Variants in KCND3 observed in about 807,000 individuals in gnomAD.
KCND3 encodes potassium voltage-gated channel subfamily D member 3, also known as A-type voltage-gated potassium channel KCND3.
KCND3 carries 9 observed loss-of-function variants against 51.1 expected under a neutral mutation model. That is an observed-to-expected ratio of 0.18 (90% CI 0.11 to 0.31). The LOEUF (loss-of-function observed/expected upper bound fraction) is 0.31, where lower values mean the gene tolerates loss of function less well. Ranked by LOEUF, KCND3 falls within the 10% of genes least tolerant of loss-of-function variation. KCND3 has a pLI of 1.00. For synonymous variants in KCND3, 349 were observed against 368.0 expected (o/e 0.95, Z 0.59); for missense variants, 526 against 903.8 (o/e 0.58, Z 5.36).
At chr1:111,884,557 G>A (rs1669482872) in intron 2 of KCND3, among the ~76,000 whole-genome samples, 1 of 152,160 alleles carries the variant, frequency 6.6e-6, no homozygotes, top group South Asian at 2.1e-4. Context: ...CACTAGAGAG[G>A]AGACCACGCT....
intron 2 of KCND3, among the ~76,000 whole-genome samples, chr1:111,939,703 G>C (rs1244119901): frequency 6.6e-6 from 1 of 152,148 alleles, no homozygotes; most frequent in Non-Finnish European, 1.5e-5. Flanking sequence ...CATGTGTTTT[G>C]ATAGTAAAAT....
At chr1:111,782,431 G>A (rs1287214431) in intron 3 of KCND3, among the ~76,000 whole-genome samples, 1 of 152,018 alleles carries the variant, frequency 6.6e-6, no homozygotes, top group Non-Finnish European at 1.5e-5. Context: ...AAGGATGATG[G>A]CAAATCAGCC....
chr1:111,853,690 T>C (rs1214825619), intron 2 of KCND3: 1 of 152,244 alleles, frequency 6.6e-6, no homozygotes. Flanking sequence ...GTAAGCTCCA[T>C]GCGGGCAGTG....
intron 1 of KCND3, among the ~76,000 whole-genome samples, chr1:111,988,058 G>C (rs1675387854): frequency 6.6e-6 from 1 of 152,138 alleles, no homozygotes; most frequent in African/African-American, 2.4e-5. Flanking sequence ...CTGAGTACAG[G>C]CATAAGGCAG....
At chr1:111,828,208 T>C (rs1666664260) in intron 2 of KCND3, among the ~76,000 whole-genome samples, 1 of 131,806 alleles carries the variant, frequency 7.6e-6, no homozygotes, top group Non-Finnish European at 1.7e-5. Context: ...GTGTTTGGTG[T>C]GGGCAGCAAG....
chr1:111,842,651 G>T (rs1422099606), intron 2 of KCND3, among the ~76,000 whole-genome samples: 2 of 152,236 alleles, frequency 1.3e-5, no homozygotes, highest in Admixed American at 1.3e-4. Flanking sequence ...GGCTCTGCCA[G>T]CGTGAGTGGC....
intron 2 of KCND3, among the ~76,000 whole-genome samples, chr1:111,812,030 C>T (rs931637762): frequency 2.6e-5 from 4 of 152,132 alleles, no homozygotes; most frequent in East Asian, 1.9e-4. Flanking sequence ...TCAGTGTTCT[C>T]GTCTGGAAAT....
Position 111,946,382 on chromosome 1 carries a change from G to A in KCND3, c.1106+35239C>T, listed in dbSNP as rs139887575. On this transcript the variant is annotated intron_variant, in intron 2 of 7. Coordinates refer to ENST00000302127, the MANE Select transcript of KCND3 (RefSeq NM_001378969.1). ...AAACACTGAGCCACTGTTTCTCGTAGACCATGTGCTGAGCAAAGGGCTGAG... is the reference window on the plus strand; with the variant it reads ...AAACACTGAGCCACTGTTTCTCGTAAACCATGTGCTGAGCAAAGGGCTGAG... Among the ~76,000 whole-genome samples, 466 of 152,330 alleles carry A rather than the reference G, an allele frequency of 3.1e-3. 3 individuals carry two copies. The highest frequency in any genetic ancestry group is 5.1e-3 in the Non-Finnish European group (349 of 68,032).
chr1:111,942,347 A>G (rs964439380), intron 2 of KCND3, among the ~76,000 whole-genome samples: 1 of 152,172 alleles, frequency 6.6e-6, no homozygotes, highest in African/African-American at 2.4e-5. Context: ...TGGTAAAACA[A>G]ATAGGAAAAA....
chr1:111,951,491 G>A (rs1673062854), intron 2 of KCND3, among the ~76,000 whole-genome samples: 1 of 152,138 alleles, frequency 6.6e-6, no homozygotes, highest in African/African-American at 2.4e-5. Context: ...TGGATGGGTG[G>A]AGTAAAGATG....
intron 2 of KCND3, among the ~76,000 whole-genome samples, chr1:111,972,334 G>A (rs1343811893): frequency 1.3e-4 from 19 of 151,430 alleles, no homozygotes; most frequent in Admixed American, 1.0e-3. Context: ...CACTACGCCC[G>A]GCTAATTTTT....
In KCND3 at chr1:111,773,612, G is replaced by A. The variant is rs1160988755; in HGVS notation, c.*2465C>T. 1.3e-5 allele frequency: 2 copies of A among 151,698 alleles called. No individual in the cohort carries two copies. Among genetic ancestry groups the A allele is most frequent in the Middle Eastern group, 3.4e-3 (1 of 294 alleles). The allele number at this position is 151,698 out of a possible 1,614,324, so 9.4% of individuals were successfully genotyped here. On this transcript the variant is annotated 3_prime_UTR_variant, in exon 8 of 8. Transcript: ENST00000302127. ...ATTTTTGTATTTTTAGTAGAGATGGGGTTTCACCATGTTGGCCAAGTTGGT... is the reference window on the plus strand; with the variant it reads ...ATTTTTGTATTTTTAGTAGAGATGGAGTTTCACCATGTTGGCCAAGTTGGT...
At chr1:111,944,933 T>C (rs1672707434) in intron 2 of KCND3, among the ~76,000 whole-genome samples, 1 of 152,186 alleles carries the variant, frequency 6.6e-6, no homozygotes, top group Admixed American at 6.5e-5. Context: ...GTGCTGCCAA[T>C]TGTCTGCCTG....
chr1:111,971,312 A>C lies in KCND3; in HGVS notation c.1106+10309T>G, dbSNP rs1410197781. 5.9e-5 allele frequency among the ~76,000 whole-genome samples: 8 copies of C among 135,940 alleles called. No individual in the cohort carries two copies. The South Asian group carries it at 1.2e-3, about 20-fold the overall frequency. The allele number at this position is 135,940 out of a possible 152,430, so 89.2% of individuals were successfully genotyped here. ...GCAGGAGGCAAAAAAAAAAAAAAAA[A>C]CACCACAAAACAAACAAACAAACAA... On this transcript the variant is annotated intron_variant, in intron 2 of 7. Transcript: ENST00000302127.
chr1:111,781,856 A>G (rs1364006930), intron 3 of KCND3, among the ~76,000 whole-genome samples: 1 of 152,144 alleles, frequency 6.6e-6, no homozygotes, highest in African/African-American at 2.4e-5. Context: ...CATTGTCACT[A>G]TGACAGTAGC....
chr1:111,786,323 G>A (rs978441818), intron 3 of KCND3, among the ~76,000 whole-genome samples: 7 of 152,208 alleles, frequency 4.6e-5, no homozygotes, highest in South Asian at 2.1e-4. Flanking sequence ...GCAAATGACC[G>A]TATTTTACCC....
In KCND3 at chr1:111,887,635, G is replaced by T. The variant is rs569753236; in HGVS notation, c.1106+93986C>A. 5.3e-5 allele frequency among the ~76,000 whole-genome samples: 8 copies of T among 152,366 alleles called. No homozygotes were observed. In the East Asian group the frequency reaches 1.2e-3, roughly 22 times the overall value. ...TACCGAGTGGAGAAAGGAAGAGCCAGCAGGTAAGCCACATTTAAAGCAGGC... is the reference window on the plus strand; with the variant it reads ...TACCGAGTGGAGAAAGGAAGAGCCATCAGGTAAGCCACATTTAAAGCAGGC... On this transcript the variant is annotated intron_variant, in intron 2 of 7. Coordinates refer to ENST00000302127, the MANE Select transcript of KCND3 (RefSeq NM_001378969.1).
intron 2 of KCND3, among the ~76,000 whole-genome samples, chr1:111,809,198 G>T (rs751809019): frequency 1.2e-4 from 19 of 152,224 alleles, no homozygotes; most frequent in Non-Finnish European, 2.5e-4. Context: ...CTTTGTGCAG[G>T]CAGAAAGCAG....
At chr1:111,801,020 C>T (rs1313700684) in intron 2 of KCND3, among the ~76,000 whole-genome samples, 2 of 152,208 alleles carry the variant, frequency 1.3e-5, no homozygotes, top group Non-Finnish European at 2.9e-5. Context: ...CCTTGTCCCT[C>T]AGGCCTGTAC....
Sources: gnomAD v4.1 joint callset for allele counts (sites outside exome capture counted in the v4.1 genomes callset) on GRCh38, gnomAD v4.1.1 for gene constraint, MANE v1.5 for transcripts, NCBI Gene and HGNC (gene_info 2026-07-23, HGNC 2026-07-21) for gene names.